FYN: variants seen among roughly 807,000 people sequenced by gnomAD.
FYN encodes tyrosine-protein kinase Fyn.
A neutral mutation model predicts 70.2 loss-of-function variants in FYN; 10 were observed. The ratio of observed to expected loss-of-function variants is 0.14; its 90% CI spans 0.09 to 0.24. The LOEUF is 0.24. Among genes scored for constraint, FYN ranks in the 10% least tolerant of loss-of-function variants. FYN has a pLI of 1.00. For missense variants in FYN, 319 were observed against 673.1 expected (o/e 0.47, Z 5.82); for synonymous variants, 236 against 248.6 (o/e 0.95, Z 0.48).
intron 9 of FYN, 93 bp downstream of exon 9, chr6:111,700,011 G>C: frequency 2.6e-6 from 3 of 1,142,164 alleles, no homozygotes; most frequent in Middle Eastern, 2.1e-4. Context: ...CTTTCTTCCC[G>C]GTCACGCAGT....
At chr6:111,842,264 A>G (rs977631256) in intron 2 of FYN, among the ~76,000 whole-genome samples, 2 of 152,148 alleles carry the variant, frequency 1.3e-5, no homozygotes, top group African/African-American at 4.8e-5. Flanking sequence ...CCTGTAGTAC[A>G]TGTATCAGGG....
intron 2 of FYN, chr6:111,818,725 T>C (rs1298450000): frequency 6.6e-6 from 1 of 152,292 alleles, no homozygotes; most frequent in Admixed American, 6.5e-5. Flanking sequence ...TCCTGAGGGA[T>C]GTAAAATTCA....
intron 9 of FYN, among the ~76,000 whole-genome samples, chr6:111,699,233 C>T (rs1239576220): frequency 6.6e-6 from 1 of 152,182 alleles, no homozygotes; most frequent in African/African-American, 2.4e-5. Flanking sequence ...CTTATGGCTG[C>T]CCATATACAG....
intron 1 of FYN, among the ~76,000 whole-genome samples, chr6:111,856,527 A>G (rs899923971): frequency 6.6e-6 from 1 of 152,154 alleles, no homozygotes. Context: ...ATAATATAAG[A>G]TTTTTTAAAT....
intron 2 of FYN, among the ~76,000 whole-genome samples, chr6:111,829,921 T>A (rs1003435360): frequency 6.6e-6 from 1 of 152,242 alleles, no homozygotes; most frequent in Non-Finnish European, 1.5e-5. Flanking sequence ...CAGGAGCCTC[T>A]GGCCTCCAGA....
intron 3 of FYN, among the ~76,000 whole-genome samples, chr6:111,763,532 G>C (rs1803090464): frequency 6.6e-6 from 1 of 152,166 alleles, no homozygotes; most frequent in Non-Finnish European, 1.5e-5. Context: ...TGAGAGTTAA[G>C]ACAAAGTTTG....
At chr6:111,769,421 T>C (rs553739951) in intron 3 of FYN, among the ~76,000 whole-genome samples, 2 of 152,334 alleles carry the variant, frequency 1.3e-5, no homozygotes, top group Non-Finnish European at 2.9e-5. Context: ...TCCCCTGAGA[T>C]TGTGATTATA....
At chr6:111,748,273 T>C (rs867658892) in intron 3 of FYN, among the ~76,000 whole-genome samples, 1 of 152,166 alleles carries the variant, frequency 6.6e-6, no homozygotes. Context: ...ATAAAAGCCA[T>C]TTAGAACATT....
chr6:111,817,152 A>AT (rs927523110), intron 2 of FYN, among the ~76,000 whole-genome samples: 6 of 152,158 alleles, frequency 3.9e-5, no homozygotes, highest in African/African-American at 1.4e-4. Context: ...ATGAAATCAT[A>AT]TATTTCTACC....
intron 2 of FYN, among the ~76,000 whole-genome samples, chr6:111,795,297 A>C (rs975110116): frequency 6.6e-6 from 1 of 152,322 alleles, no homozygotes; most frequent in East Asian, 1.9e-4. Flanking sequence ...TAGGACACAG[A>C]TACACACAAA....
At position 111,680,840 on chromosome 6, in the gene FYN, T is replaced by A. The variant is rs562547215; in HGVS notation, c.1274-6210A>T. Among the ~76,000 whole-genome samples, 82 of 152,278 alleles carry A rather than the reference T, an allele frequency of 5.4e-4. 1 individual carries two copies. Among genetic ancestry groups the A allele is most frequent in the African/African-American group, 1.9e-3 (81 of 41,550 alleles). Reference sequence around the variant, plus strand: ...AACCCGCAAAGCTCAAACATTTCTATGAGAAATGCATGAATTATTTTTCTG... The same window carrying A: ...AACCCGCAAAGCTCAAACATTTCTAAGAGAAATGCATGAATTATTTTTCTG... On this transcript the variant is annotated intron_variant, in intron 12 of 13. Transcript: ENST00000354650.
intron 1 of FYN, among the ~76,000 whole-genome samples, chr6:111,868,144 T>C (rs1774167227): frequency 6.6e-6 from 1 of 151,992 alleles, no homozygotes; most frequent in South Asian, 2.1e-4. Flanking sequence ...TCCAGGTTCA[T>C]GCTCCATTCT....
chr6:111,846,666 G>A, intron 1 of FYN, 37 bp from the exon 2 acceptor site: 1 of 398,642 alleles, frequency 2.5e-6, no homozygotes, highest in Non-Finnish European at 4.4e-6. Context: ...GACATCAAAA[G>A]AGAACCAAGT....
At chr6:111,757,737 G>T (rs1236003058) in intron 3 of FYN, among the ~76,000 whole-genome samples, 1 of 152,190 alleles carries the variant, frequency 6.6e-6, no homozygotes, top group Non-Finnish European at 1.5e-5. Context: ...ATAATAGGGA[G>T]AGTTACTTCT....
intron 4 of FYN, among the ~76,000 whole-genome samples, chr6:111,719,386 G>C (rs546831064): frequency 1.5e-4 from 23 of 151,536 alleles, no homozygotes; most frequent in African/African-American, 5.3e-4. Context: ...TTAATATCTA[G>C]AGAACTCAAA....
intron 3 of FYN, among the ~76,000 whole-genome samples, chr6:111,762,801 A>C (rs980462701): frequency 1.3e-4 from 20 of 152,240 alleles, no homozygotes; most frequent in African/African-American, 4.8e-4. Flanking sequence ...GCTTAAAAAA[A>C]AAAAAAGTCC....
At chr6:111,734,962 TA>T (rs1801644729) in intron 3 of FYN, among the ~76,000 whole-genome samples, 3 of 152,222 alleles carry the variant, frequency 2.0e-5, no homozygotes, top group Middle Eastern at 6.8e-3. Flanking sequence ...GACAGACAAG[TA>T]AATCGAGGGA....
chr6:111,735,367 C>T (rs1801663509), intron 3 of FYN, among the ~76,000 whole-genome samples: 1 of 152,084 alleles, frequency 6.6e-6, no homozygotes, highest in South Asian at 2.1e-4. Context: ...TCTACTGAGC[C>T]CTCACTATGG....
intron 2 of FYN, among the ~76,000 whole-genome samples, chr6:111,822,835 T>A (rs1329854230): frequency 6.6e-6 from 1 of 152,058 alleles, no homozygotes; most frequent in Non-Finnish European, 1.5e-5. Flanking sequence ...AGGGAATGCA[T>A]GTCAACCACA....
Sources: gnomAD v4.1 joint callset for allele counts (sites outside exome capture counted in the v4.1 genomes callset) on GRCh38, gnomAD v4.1.1 for gene constraint, MANE v1.5 for transcripts, NCBI Gene and HGNC (gene_info 2026-07-23, HGNC 2026-07-21) for gene names.